Variants in CRACD observed in about 807,000 individuals in gnomAD.
CRACD encodes capping protein inhibiting regulator of actin dynamics.
Under a neutral mutation model 106.8 loss-of-function variants are expected in CRACD, and 56 were observed. The observed-to-expected ratio is 0.52, with a 90% CI of 0.42 to 0.66. The LOEUF is 0.66. CRACD is among the 30% of genes least tolerant of loss of function. The probability of loss-of-function intolerance (pLI) is 0.00; values close to 1 mark genes in which losing one functional copy is unlikely to be tolerated. For missense variants in CRACD, 1,730 were observed against 1,623.2 expected (o/e 1.07, Z -1.13); for synonymous variants, 754 against 670.8 (o/e 1.12, Z -1.92).
chr4:56,288,758 C>T (rs971757800), intron 3 of CRACD, among the ~76,000 whole-genome samples: 6 of 151,918 alleles, frequency 3.9e-5, no homozygotes, highest in African/African-American at 1.5e-4. Context: ...CTTTTTCAGC[C>T]GTGTCTACAC....
chr4:56,098,639 T>A (rs915790685), intron 1 of CRACD, among the ~76,000 whole-genome samples: 4 of 152,162 alleles, frequency 2.6e-5, no homozygotes, highest in African/African-American at 9.7e-5. Flanking sequence ...ACAGGATAAT[T>A]CCCAGGGGTT....
In CRACD at chr4:56,307,691, G is replaced by A. The variant is rs1299187893; in HGVS notation, c.277G>A (p.Glu93Lys). The change falls in exon 5 of 11, where the codon GAG becomes AAG. Residue 93 changes from glutamate (E) to lysine (K), a missense_variant. Coordinates refer to ENST00000682029, the MANE Select transcript of CRACD (RefSeq NM_001393381.1). The stretch of plus-strand genomic sequence containing the variant: ...GCAGGACATCGTCCTCTCAGACGCA[G>A]AGAACAAGGTAAGTCTCCTCCAGGG... ...TQQDIVLSDA[E>K]NKSSDTPSSL... is the part of the protein sequence containing the mutation. 1 of 1,614,104 alleles carries A rather than the reference G, an allele frequency of 6.2e-7. No homozygotes were observed. Among genetic ancestry groups the A allele is most frequent in the Admixed American group, 1.7e-5 (1 of 60,022 alleles).
At chr4:56,170,710 G>A (rs1736328758) in intron 1 of CRACD, among the ~76,000 whole-genome samples, 1 of 152,134 alleles carries the variant, frequency 6.6e-6, no homozygotes, top group South Asian at 2.1e-4. Flanking sequence ...GCATGGTGGT[G>A]TGTGCCTGTA....
chr4:56,124,361 C>T (rs1334913329), intron 1 of CRACD, among the ~76,000 whole-genome samples: 4 of 152,178 alleles, frequency 2.6e-5, no homozygotes, highest in Admixed American at 6.5e-5. Flanking sequence ...AATCTTGTTT[C>T]GTGTATATCC....
intron 2 of CRACD, among the ~76,000 whole-genome samples, chr4:56,203,716 T>A (rs933612126): frequency 6.6e-6 from 1 of 152,192 alleles, no homozygotes. Flanking sequence ...AAGAACTTAA[T>A]GAAAGCACAG....
At chr4:56,173,975 A>G (rs1736483018) in intron 1 of CRACD, among the ~76,000 whole-genome samples, 1 of 152,164 alleles carries the variant, frequency 6.6e-6, no homozygotes, top group Non-Finnish European at 1.5e-5. Flanking sequence ...CTAATGGTTG[A>G]GCAACTTGTC....
In CRACD at chr4:56,224,625, TG is replaced by T. The variant is rs556545206; in HGVS notation, c.-189+45197del. ...AAAACAATAGATGTTGGCATGGATG[TG>T]GTGAAAAGGGAATGCTTACACATGG... On this transcript the variant is annotated intron_variant, in intron 2 of 10. Transcript: ENST00000682029. 1.7e-3 allele frequency among the ~76,000 whole-genome samples: 253 copies of T among 152,348 alleles called. 3 individuals are homozygous for T. Among genetic ancestry groups the T allele is most frequent in the African/African-American group, 5.9e-3 (247 of 41,588 alleles).
At chr4:56,182,562 G>A (rs1041024165) in intron 2 of CRACD, among the ~76,000 whole-genome samples, 7 of 152,060 alleles carry the variant, frequency 4.6e-5, no homozygotes, top group African/African-American at 1.2e-4. Context: ...TACTAGGGCC[G>A]TGATATCAGG....
At position 56,167,953 on chromosome 4, in the gene CRACD, T is replaced by C. The variant is rs373468195; in HGVS notation, c.-335-11331T>C. Among the ~76,000 whole-genome samples, 8 of 152,230 alleles carry C rather than the reference T, an allele frequency of 5.3e-5. No homozygotes were observed. The East Asian group carries it at 1.2e-3, about 22-fold the overall frequency. On this transcript the variant is annotated intron_variant, in intron 1 of 10. Transcript: ENST00000682029. ...CCCTGGGAAACTCACATATTACTTC[T>C]GGTTACCTTTGATAGATTCCTCAGG...
At chr4:56,065,576 C>A (rs182172704) in intron 1 of CRACD, among the ~76,000 whole-genome samples, 2 of 152,326 alleles carry the variant, frequency 1.3e-5, no homozygotes, top group East Asian at 3.9e-4. Context: ...TATACCACTT[C>A]AACTTCAGCT....
intron 1 of CRACD, among the ~76,000 whole-genome samples, chr4:56,172,595 T>C (rs1352701828): frequency 2.0e-5 from 3 of 151,960 alleles, no homozygotes; most frequent in African/African-American, 7.2e-5. Flanking sequence ...CCTGAGTAGC[T>C]GGGATTACAG....
chr4:56,147,125 T>TA (rs1735415369), intron 1 of CRACD, among the ~76,000 whole-genome samples: 1 of 152,040 alleles, frequency 6.6e-6, no homozygotes, highest in African/African-American at 2.4e-5. Flanking sequence ...TCCCCTTGAG[T>TA]AAGAGGATTC....
chr4:56,234,069 C>A (rs895416950), intron 2 of CRACD, among the ~76,000 whole-genome samples: 3 of 151,838 alleles, frequency 2.0e-5, no homozygotes, highest in Admixed American at 1.3e-4. Context: ...CTAGTAGACT[C>A]CATCATTTTT....
At position 56,289,153 on chromosome 4, in the gene CRACD, G is replaced by C. The variant is rs79230409; in HGVS notation, c.-16-9061G>C. Among the ~76,000 whole-genome samples, 153 of 152,320 alleles carry C rather than the reference G, an allele frequency of 1.0e-3. 8 individuals carry two copies. The East Asian group carries it at 0.025, about 25-fold the overall frequency. On this transcript the variant is annotated intron_variant, in intron 3 of 10. Transcript: ENST00000682029. Reference sequence around the variant, plus strand: ...TGGGGAGTTATTGTTGCATGGATATGAAGTTTAGGATGATGATAAGGTTCT... The same window carrying C: ...TGGGGAGTTATTGTTGCATGGATATCAAGTTTAGGATGATGATAAGGTTCT...
chr4:56,258,932 A>G (rs1741529570), intron 2 of CRACD, among the ~76,000 whole-genome samples: 1 of 152,184 alleles, frequency 6.6e-6, no homozygotes, highest in Non-Finnish European at 1.5e-5. Flanking sequence ...TATATGCTCT[A>G]AAGTCTGAAT....
At chr4:56,072,774 G>A (rs1732704405) in intron 1 of CRACD, among the ~76,000 whole-genome samples, 1 of 151,688 alleles carries the variant, frequency 6.6e-6, no homozygotes, top group African/African-American at 2.4e-5. Context: ...ACCCCAGACA[G>A]GCCCCCGTGT....
At chr4:56,295,628 T>G (rs2109713310) in intron 3 of CRACD, among the ~76,000 whole-genome samples, 1 of 146,912 alleles carries the variant, frequency 6.8e-6, no homozygotes, top group East Asian at 2.1e-4. Context: ...CACTGGTGTA[T>G]TCTGTACACA....
intron 2 of CRACD, among the ~76,000 whole-genome samples, chr4:56,204,214 G>A (rs1245188326): frequency 6.6e-6 from 1 of 152,214 alleles, no homozygotes; most frequent in Non-Finnish European, 1.5e-5. Context: ...CCATGGAGTG[G>A]CCAGATTGCT....
At chr4:56,175,082 G>A (rs1010238397) in intron 1 of CRACD, among the ~76,000 whole-genome samples, 3 of 152,160 alleles carry the variant, frequency 2.0e-5, no homozygotes, top group Admixed American at 6.5e-5. Flanking sequence ...CCTGACAGGT[G>A]GGGATTACAA....
Sources: gnomAD v4.1 joint callset for allele counts (sites outside exome capture counted in the v4.1 genomes callset) on GRCh38, gnomAD v4.1.1 for gene constraint, MANE v1.5 for transcripts, NCBI Gene and HGNC (gene_info 2026-07-23, HGNC 2026-07-21) for gene names.